The following DENND1A variants were observed in gnomAD, a reference collection of about 807,000 sequenced individuals.
The protein encoded by DENND1A is DENN domain containing 1A.
DENND1A carries 51 observed loss-of-function variants against 113.7 expected under a neutral mutation model. That is an observed-to-expected ratio of 0.45 (90% CI 0.36 to 0.57). DENND1A has a LOEUF of 0.57. DENND1A is among the 20% of genes least tolerant of loss of function. The pLI, the probability that DENND1A is intolerant of heterozygous loss-of-function variation, is 0.00. For missense variants in DENND1A, 1,258 were observed against 1,395.9 expected (o/e 0.90, Z 1.57); for synonymous variants, 565 against 570.8 (o/e 0.99, Z 0.14).
At chr9:123,564,785 T>C (rs771435281) in intron 12 of DENND1A, among the ~76,000 whole-genome samples, 1 of 152,166 alleles carries the variant, frequency 6.6e-6, no homozygotes, top group African/African-American at 2.4e-5. Flanking sequence ...GTGGCTACCA[T>C]ATTGGACAAC....
At chr9:123,765,603 T>C (rs1828664328) in intron 4 of DENND1A, among the ~76,000 whole-genome samples, 1 of 152,160 alleles carries the variant, frequency 6.6e-6, no homozygotes, top group Non-Finnish European at 1.5e-5. Context: ...TTCAGGGTTC[T>C]GAAAGAGGAT....
At chr9:123,715,073 C>T (rs190031032) in intron 5 of DENND1A, among the ~76,000 whole-genome samples, 130 of 152,008 alleles carry the variant, frequency 8.6e-4, no homozygotes, top group Non-Finnish European at 1.4e-3. Context: ...ATCCCAGCTA[C>T]TTAGGAGGCT....
chr9:123,870,460 C>CG (rs1203882157), intron 2 of DENND1A, among the ~76,000 whole-genome samples: 1 of 139,928 alleles, frequency 7.1e-6, no homozygotes, highest in Non-Finnish European at 1.5e-5. Context: ...TTTTTTGAGA[C>CG]GGAGTCTTGC....
chr9:123,699,688 C>CTT (rs34215948), intron 5 of DENND1A, among the ~76,000 whole-genome samples: 9,708 of 112,248 alleles, frequency 0.086, 626 homozygotes, highest in African/African-American at 0.15. Flanking sequence ...TTCTTTCTTT[C>CTT]TTTTTTTTTT....
At chr9:123,589,938 G>A (rs757852094) in intron 11 of DENND1A, among the ~76,000 whole-genome samples, 10 of 152,214 alleles carry the variant, frequency 6.6e-5, no homozygotes, top group Non-Finnish European at 1.3e-4. Flanking sequence ...GTAGGCAACT[G>A]GCTTGACTGC....
intron 10 of DENND1A, among the ~76,000 whole-genome samples, chr9:123,629,232 G>A (rs1268383830): frequency 6.6e-6 from 1 of 152,144 alleles, no homozygotes; most frequent in Non-Finnish European, 1.5e-5. Flanking sequence ...TAAGCAACAG[G>A]GCTATGACCC....
intron 19 of DENND1A, among the ~76,000 whole-genome samples, chr9:123,430,937 A>G (rs2046091048): frequency 6.6e-6 from 1 of 152,168 alleles, no homozygotes; most frequent in African/African-American, 2.4e-5. Flanking sequence ...TGGAAGGTTG[A>G]GGCTGCGGTG....
intron 2 of DENND1A, among the ~76,000 whole-genome samples, chr9:123,855,280 G>A (rs1157878816): frequency 6.6e-6 from 1 of 151,090 alleles, no homozygotes; most frequent in Non-Finnish European, 1.5e-5. Flanking sequence ...GATATGCAGG[G>A]TGCCAAGAGG....
At chr9:123,838,552 TA>T (rs982433270) in intron 2 of DENND1A, among the ~76,000 whole-genome samples, 1 of 151,822 alleles carries the variant, frequency 6.6e-6, no homozygotes, top group African/African-American at 2.4e-5. Context: ...TTGGACAACT[TA>T]AAAAAAATAG....
intron 2 of DENND1A, among the ~76,000 whole-genome samples, chr9:123,835,740 C>A (rs747295078): frequency 6.6e-6 from 1 of 151,854 alleles, no homozygotes; most frequent in Non-Finnish European, 1.5e-5. Context: ...CCACACACTT[C>A]GTTCACTCCG....
At chr9:123,808,683 A>C (rs780951222) in intron 2 of DENND1A, among the ~76,000 whole-genome samples, 10 of 152,042 alleles carry the variant, frequency 6.6e-5, no homozygotes, top group Non-Finnish European at 1.5e-4. Context: ...GGTCTGGGGG[A>C]CTACACTTTG....
At chr9:123,847,256 C>CAA (rs907183347) in intron 2 of DENND1A, among the ~76,000 whole-genome samples, 1 of 149,482 alleles carries the variant, frequency 6.7e-6, no homozygotes, top group African/African-American at 2.5e-5. Context: ...TGAAAACACA[C>CAA]AAAAAAAATG....
intron 5 of DENND1A, among the ~76,000 whole-genome samples, chr9:123,740,509 C>T (rs2068919100): frequency 6.6e-6 from 1 of 152,074 alleles, no homozygotes; most frequent in African/African-American, 2.4e-5. Flanking sequence ...GTAGAGGTAG[C>T]AAAGTCTTTG....
intron 12 of DENND1A, among the ~76,000 whole-genome samples, chr9:123,579,738 C>A (rs1178615713): frequency 2.0e-5 from 3 of 152,158 alleles, no homozygotes. Context: ...TTACCAGGTC[C>A]TATGCCAAAT....
At chr9:123,586,065 G>C (rs2059148699) in intron 11 of DENND1A, among the ~76,000 whole-genome samples, 1 of 133,450 alleles carries the variant, frequency 7.5e-6, no homozygotes, top group Admixed American at 7.3e-5. Flanking sequence ...GCTATGCACA[G>C]TCAGTCACAG....
intron 11 of DENND1A, among the ~76,000 whole-genome samples, chr9:123,597,831 T>A (rs1383299700): frequency 6.6e-6 from 1 of 152,094 alleles, no homozygotes; most frequent in East Asian, 1.9e-4. Context: ...AACCCCAACT[T>A]CCCAATCTGA....
intron 2 of DENND1A, among the ~76,000 whole-genome samples, chr9:123,812,772 CCTATCTAAAAAA>C (rs1460956919): frequency 6.6e-6 from 1 of 151,870 alleles, no homozygotes; most frequent in Non-Finnish European, 1.5e-5. Context: ...ATATTTTTTG[CCTATCTAAAAAA>C]TTTCTTTCTT....
At chr9:123,921,938 T>C (rs1856341728) in intron 1 of DENND1A, among the ~76,000 whole-genome samples, 1 of 151,966 alleles carries the variant, frequency 6.6e-6, no homozygotes, top group Non-Finnish European at 1.5e-5. Flanking sequence ...TTTTTTCTTT[T>C]TGAGACAGGG....
At chr9:123,679,649 G>T (rs1226354939) in intron 5 of DENND1A, among the ~76,000 whole-genome samples, 2 of 152,184 alleles carry the variant, frequency 1.3e-5, no homozygotes, top group African/African-American at 2.4e-5. Context: ...GTTTTCCCCT[G>T]TTGGGAGGCC....
Sources: allele counts gnomAD v4.1 joint callset (sites outside exome capture counted in the v4.1 genomes callset), GRCh38; gene constraint gnomAD v4.1.1; transcripts MANE v1.5; gene names NCBI Gene and HGNC (gene_info 2026-07-23, HGNC 2026-07-21).